BPTF: variants seen among roughly 807,000 people sequenced by gnomAD.
The protein encoded by BPTF is bromodomain PHD finger transcription factor.
BPTF carries 18 observed loss-of-function variants against 292.5 expected under a neutral mutation model. The observed-to-expected ratio is 0.06, with a 90% CI of 0.04 to 0.09. BPTF has a LOEUF of 0.09. BPTF is among the 10% of genes least tolerant of loss of function. The pLI is 1.00. For missense variants in BPTF, 2,726 were observed against 3,498.7 expected, an observed-to-expected ratio of 0.78 and a Z score of 5.57; for synonymous variants, 1,225 against 1,251.9, an observed-to-expected ratio of 0.98 and a Z score of 0.45.
Position 67,912,509 on chromosome 17 carries a change from A to G in BPTF, c.4625A>G (p.Lys1542Arg). Residue 1542 changes from lysine (K) to arginine (R), a missense_variant, in exon 11 of 28, where the codon AAG (lysine) becomes AGG (arginine). Lys to Arg is a conservative substitution (Grantham distance 26). Around this residue, in one of 22 missense-constraint regions of BPTF, gnomAD observed 713 missense variants for 714.9 expected, o/e 1.00. Coordinates refer to ENST00000306378, the MANE Select transcript of BPTF (RefSeq NM_182641.4). ...EDMEIETSEV[K>R]KVTSSPITSE... ...ATGGAAATAGAAACCTCAGAAGTTA[A>G]GAAAGTTACTTCATCACCTATTACT... is the stretch of plus-strand genomic sequence containing the variant. 1.2e-6 allele frequency: 2 copies of G among 1,614,028 alleles called. No individual in the cohort carries two copies. Among genetic ancestry groups the G allele is most frequent in the Middle Eastern group, 1.6e-4 (1 of 6,062 alleles).
At chr17:67,835,065 T>C (rs1205137588) in intron 1 of BPTF, among the ~76,000 whole-genome samples, 1 of 151,946 alleles carries the variant, frequency 6.6e-6, no homozygotes, top group Non-Finnish European at 1.5e-5. Flanking sequence ...ATTAAAATAG[T>C]TTGGCAGAGG....
At chr17:67,929,842 G>A (rs2147472686) in intron 17 of BPTF, among the ~76,000 whole-genome samples, 1 of 152,346 alleles carries the variant, frequency 6.6e-6, no homozygotes, top group African/African-American at 2.4e-5. Flanking sequence ...TGGGCCAGGT[G>A]CGGCGGCTCA....
At chr17:67,919,202 AT>A (rs1441989657) in intron 12 of BPTF, among the ~76,000 whole-genome samples, 4 of 145,236 alleles carry the variant, frequency 2.8e-5, no homozygotes, top group African/African-American at 1.0e-4. Context: ...AATAATAATA[AT>A]AATAATAATA....
intron 4 of BPTF, among the ~76,000 whole-genome samples, chr17:67,887,856 C>T (rs2060844218): frequency 6.6e-6 from 1 of 152,184 alleles, no homozygotes; most frequent in African/African-American, 2.4e-5. Context: ...AAGATGGCAC[C>T]AGCAATTTGT....
At chr17:67,913,430 C>G (rs2062782687) in intron 11 of BPTF, among the ~76,000 whole-genome samples, 2 of 152,068 alleles carry the variant, frequency 1.3e-5, no homozygotes. Flanking sequence ...AAATGAAATT[C>G]AGTTTTAACT....
At chr17:67,874,776 A>G (rs2059952742) in intron 3 of BPTF, 41 bp from the exon 4 acceptor site, 6 of 1,348,864 alleles carry the variant, frequency 4.4e-6, no homozygotes, top group Admixed American at 1.9e-5. Flanking sequence ...CTATTTGGTT[A>G]TATATAGGAA....
At chr17:67,861,832 A>T (rs975745423) in intron 2 of BPTF, among the ~76,000 whole-genome samples, 3 of 152,210 alleles carry the variant, frequency 2.0e-5, no homozygotes, top group Non-Finnish European at 4.4e-5. Flanking sequence ...CCTGTTGGCT[A>T]ACTAGCTCAT....
rs138069789 is a variant in BPTF at position 67,912,039 on chromosome 17, T to A, written c.4155T>A (p.Thr1385=). 2.7e-3 allele frequency: 4,394 copies of A among 1,611,368 alleles called. 19 individuals carry two copies. The highest frequency in any genetic ancestry group is 3.3e-3 in the Non-Finnish European group (3,930 of 1,179,254). Reference sequence around the variant, plus strand: ...ATCAAATAAAGCTAAAAAATACCACTGACAAAAAGAATAATGAAAATCGAG... The same window carrying A: ...ATCAAATAAAGCTAAAAAATACCACAGACAAAAAGAATAATGAAAATCGAG... ...CSDQIKLKNT[T]DKKNNENRES... is the part of the protein sequence containing the mutation. Residue 1385 remains threonine, a synonymous_variant, in exon 11 of 28, where the codon ACT becomes ACA. Transcript: ENST00000306378.
At position 67,854,310 on chromosome 17, in the gene BPTF, G is replaced by A; in HGVS notation, c.984G>A (p.Glu328=). 1 of 1,614,214 alleles carries A rather than the reference G, an allele frequency of 6.2e-7. No homozygotes were observed. Among genetic ancestry groups the A allele is most frequent in the East Asian group, 2.2e-5 (1 of 44,896 alleles). ...TCATAGATGGGATGACGTGGCCAGA[G>A]GTGCTGCGGGTGTACTGTGAGAGTG... is the stretch of plus-strand genomic sequence containing the variant. ...LYFIDGMTWP[E]VLRVYCESDK... Residue 328 remains glutamate (E), a synonymous_variant, in exon 2 of 28, where the codon GAG becomes GAA. Transcript: ENST00000306378. The surrounding 1 kb of genome is among the most constrained non-coding windows in gnomAD (Gnocchi z 5.6).
chr17:67,911,858 A>T lies in BPTF; in HGVS notation c.3974A>T (p.Asp1325Val), dbSNP rs1362157823. The T allele has an allele frequency of 1.2e-6, 2 of 1,614,008 alleles. No homozygotes were observed. The highest frequency in any genetic ancestry group is 3.3e-5 in the Admixed American group (2 of 59,984). The change falls in exon 11 of 28, where the codon GAT (aspartate) becomes GTT (valine). Residue 1325 changes from aspartate to valine, a missense_variant. Asp to Val is a radical substitution (Grantham distance 152). This residue lies in a region of BPTF where 713 missense variants were observed against 714.9 expected (regional missense o/e 1.00). Coordinates refer to ENST00000306378, the MANE Select transcript of BPTF (RefSeq NM_182641.4). The stretch of plus-strand genomic sequence containing the variant: ...GAACAGTTCAGAACTCGAGAACAAG[A>T]TGTTGAAGTCTTGGAGCCGTTAAAG... The part of the protein sequence containing the change: ...ISEQFRTREQ[D>V]VEVLEPLKCE...
At position 67,866,706 on chromosome 17, in the gene BPTF, C is replaced by T. The variant is rs752719289; in HGVS notation, c.1660+19C>T. The T allele has an allele frequency of 3.1e-6, 5 of 1,590,282 alleles. No individual in the cohort carries two copies. The East Asian group carries it at 8.9e-5, about 28-fold the overall frequency. On this transcript the variant is annotated intron_variant, in intron 3 of 27. Transcript: ENST00000306378. ...GCTAATGGTGAGAGGGGCATTTTCT[C>T]ATTTTATTTTTGTTAAGTCTGAGCT...
intron 3 of BPTF, among the ~76,000 whole-genome samples, chr17:67,867,804 G>A (rs1026824676): frequency 2.0e-5 from 3 of 152,128 alleles, no homozygotes; most frequent in African/African-American, 4.8e-5. Context: ...TGGTGTCCTC[G>A]TGACTTACCA....
chr17:67,863,814 T>C (rs2059230004), intron 2 of BPTF, among the ~76,000 whole-genome samples: 1 of 152,262 alleles, frequency 6.6e-6, no homozygotes, highest in South Asian at 2.1e-4. Flanking sequence ...TCTTCATTTC[T>C]ATGGGTTTGT....
chr17:67,948,588 A>G (rs2065988337), intron 23 of BPTF, among the ~76,000 whole-genome samples: 1 of 152,220 alleles, frequency 6.6e-6, no homozygotes, highest in Non-Finnish European at 1.5e-5. Flanking sequence ...TTTCATGTCT[A>G]TGACATAGTC....
chr17:67,933,849 A>G (rs1315516154), intron 18 of BPTF, among the ~76,000 whole-genome samples: 1 of 152,088 alleles, frequency 6.6e-6, no homozygotes, highest in African/African-American at 2.4e-5. Context: ...ACCTGAAGTC[A>G]GGAGTTTGAG....
intron 11 of BPTF, among the ~76,000 whole-genome samples, chr17:67,913,705 C>G (rs537860232): frequency 9.2e-5 from 14 of 152,108 alleles, no homozygotes; most frequent in African/African-American, 3.4e-4. Flanking sequence ...TAGGTAGTCT[C>G]TAAGATTCCT....
intron 7 of BPTF, among the ~76,000 whole-genome samples, 181 bp downstream of exon 7, chr17:67,894,346 TGAGACA>T (rs1196987934): frequency 3.9e-5 from 6 of 152,164 alleles, no homozygotes; most frequent in African/African-American, 1.4e-4. Flanking sequence ...CTTTTTTTTT[TGAGACA>T]GAGTCTTGCA....
At chr17:67,926,312 A>G (rs2063885841) in intron 15 of BPTF, among the ~76,000 whole-genome samples, 1 of 122,868 alleles carries the variant, frequency 8.1e-6, no homozygotes, top group African/African-American at 3.1e-5. Context: ...GCCCTAATAT[A>G]CTACTTTTTT....
intron 15 of BPTF, 132 bp from the exon 16 acceptor site, chr17:67,928,223 G>A: frequency 9.9e-7 from 1 of 1,008,344 alleles, no homozygotes; most frequent in African/African-American, 1.6e-5. Context: ...TATTCTTTTT[G>A]GAAGTAAAAT....
Sources: allele counts gnomAD v4.1 joint callset (sites outside exome capture counted in the v4.1 genomes callset), GRCh38; gene constraint gnomAD v4.1.1; regional missense constraint gnomAD v4.1.1; non-coding constraint Gnocchi (gnomAD v3.1); transcripts MANE v1.5; gene names NCBI Gene and HGNC (gene_info 2026-07-23, HGNC 2026-07-21).